AGBL1: variants seen among roughly 807,000 people sequenced by gnomAD.
The protein encoded by AGBL1 is AGBL carboxypeptidase 1.
Under a neutral mutation model 118.9 loss-of-function variants are expected in AGBL1, and 130 were observed. That is an observed-to-expected ratio of 1.09 (90% CI 0.95 to 1.26). The LOEUF is 1.26. AGBL1 is among the 50% of genes most tolerant of loss of function. AGBL1 has a pLI of 0.00. For missense variants in AGBL1, 1,584 were observed against 1,298.1 expected, an observed-to-expected ratio of 1.22 and a Z score of -3.38; for synonymous variants, 555 against 478.9, an observed-to-expected ratio of 1.16 and a Z score of -2.08.
chr15:86,944,169 G>A (rs1290403710), intron 23 of AGBL1, among the ~76,000 whole-genome samples: 1 of 151,986 alleles, frequency 6.6e-6, no homozygotes, highest in Non-Finnish European at 1.5e-5. Flanking sequence ...TCAGGAGTTC[G>A]AGACCAGCCT....
At chr15:86,567,363 T>C (rs1024790299) in intron 21 of AGBL1, among the ~76,000 whole-genome samples, 1 of 152,216 alleles carries the variant, frequency 6.6e-6, no homozygotes, top group Non-Finnish European at 1.5e-5. Flanking sequence ...TATCCACTCA[T>C]TTATTCTATC....
intron 17 of AGBL1, among the ~76,000 whole-genome samples, chr15:86,376,127 C>T (rs2081038406): frequency 6.6e-6 from 1 of 152,168 alleles, no homozygotes; most frequent in South Asian, 2.1e-4. Flanking sequence ...TGTTTTAAGC[C>T]TTCCTGACAA....
At chr15:86,896,959 C>G (rs2080138383) in intron 22 of AGBL1, among the ~76,000 whole-genome samples, 1 of 152,166 alleles carries the variant, frequency 6.6e-6, no homozygotes, top group Admixed American at 6.5e-5. Flanking sequence ...CATGCACATT[C>G]CTAAGGAAAG....
intron 23 of AGBL1, chr15:86,935,277 G>C (rs2080655448): frequency 6.6e-6 from 1 of 152,188 alleles, no homozygotes; most frequent in African/African-American, 2.4e-5. Flanking sequence ...TTGGCAAAGA[G>C]GATAATGCGG....
At chr15:86,955,681 G>A (rs76576112) in intron 23 of AGBL1, among the ~76,000 whole-genome samples, 413 of 152,172 alleles carry the variant, frequency 2.7e-3, no homozygotes, top group African/African-American at 9.1e-3. Flanking sequence ...AAGGTACTAT[G>A]AAATATACAT....
chr15:86,543,142 A>G (rs1481502084), intron 19 of AGBL1, among the ~76,000 whole-genome samples: 4 of 152,102 alleles, frequency 2.6e-5, no homozygotes, highest in Non-Finnish European at 4.4e-5. Context: ...TATGATCCCA[A>G]TTTATCTCCA....
At chr15:86,989,049 T>C (rs2081312474) in intron 24 of AGBL1, among the ~76,000 whole-genome samples, 1 of 148,550 alleles carries the variant, frequency 6.7e-6, no homozygotes. Flanking sequence ...TTGCCCAGGC[T>C]GGAGTGCAAT....
intron 18 of AGBL1, among the ~76,000 whole-genome samples, chr15:86,489,116 A>G (rs1372922421): frequency 6.6e-6 from 1 of 152,092 alleles, no homozygotes; most frequent in Non-Finnish European, 1.5e-5. Context: ...CCAAGAAAGG[A>G]AAGTATATCT....
intron 22 of AGBL1, among the ~76,000 whole-genome samples, chr15:86,678,269 T>A (rs1187508557): frequency 6.6e-6 from 1 of 152,174 alleles, no homozygotes. Flanking sequence ...AGACATACAG[T>A]ACTCTCAAAA....
chr15:86,829,492 A>C (rs2079075110), intron 22 of AGBL1, among the ~76,000 whole-genome samples: 3 of 152,186 alleles, frequency 2.0e-5, no homozygotes, highest in African/African-American at 7.2e-5. Flanking sequence ...AGAGAGTCAC[A>C]GTTCACATGC....
chr15:86,853,608 C>T (rs1344359562), intron 22 of AGBL1, among the ~76,000 whole-genome samples: 1 of 152,152 alleles, frequency 6.6e-6, no homozygotes, highest in Non-Finnish European at 1.5e-5. Flanking sequence ...CACTTGGCTG[C>T]CTTTATTTTT....
intron 17 of AGBL1, 131 bp downstream of exon 17, chr15:86,295,539 A>G (rs1211597237): frequency 2.3e-6 from 2 of 877,264 alleles, no homozygotes; most frequent in Non-Finnish European, 3.3e-6. Context: ...GTAGAAATAC[A>G]CCCCCAGCTT....
At chr15:86,824,373 C>T (rs973363535) in intron 22 of AGBL1, among the ~76,000 whole-genome samples, 3 of 152,008 alleles carry the variant, frequency 2.0e-5, no homozygotes, top group African/African-American at 7.2e-5. Flanking sequence ...CACATATACC[C>T]TTAACAAAAC....
At chr15:86,650,249 G>A (rs138919621) in intron 21 of AGBL1, among the ~76,000 whole-genome samples, 4 of 152,080 alleles carry the variant, frequency 2.6e-5, no homozygotes, top group African/African-American at 9.7e-5. Flanking sequence ...GACTAAGTTT[G>A]CCAGCTTCCT....
At chr15:86,836,390 G>A (rs188932972) in intron 22 of AGBL1, among the ~76,000 whole-genome samples, 45 of 152,172 alleles carry the variant, frequency 3.0e-4, no homozygotes, top group East Asian at 2.7e-3. Context: ...AGGTATTAGC[G>A]TACCAATTTA....
At chr15:86,597,772 A>G (rs2246864) in intron 21 of AGBL1, among the ~76,000 whole-genome samples, 146,095 of 152,192 alleles carry the variant, frequency 0.96, 70,173 homozygotes, top group East Asian at 1. Flanking sequence ...AAAGCTTTAT[A>G]AGTGAAAAAA....
chr15:86,090,366 C>G (rs1447376783), intron 1 of AGBL1, among the ~76,000 whole-genome samples: 3 of 152,146 alleles, frequency 2.0e-5, no homozygotes, highest in African/African-American at 7.2e-5. Flanking sequence ...AAAAATCCCC[C>G]TATTAGATTC....
intron 6 of AGBL1, among the ~76,000 whole-genome samples, chr15:86,242,603 G>A (rs1457351067): frequency 4.6e-5 from 7 of 152,310 alleles, no homozygotes; most frequent in South Asian, 2.1e-4. Flanking sequence ...GGGTACATGA[G>A]TTTAGAAGTC....
downstream of AGBL1, among the ~76,000 whole-genome samples, chr15:86,919,021 G>A (rs1020490716): frequency 6.6e-6 from 1 of 152,140 alleles, no homozygotes; most frequent in African/African-American, 2.4e-5. Context: ...GTACTACTTT[G>A]AAGGCTGTGG....
Sources: allele counts gnomAD v4.1 joint callset (sites outside exome capture counted in the v4.1 genomes callset), GRCh38; gene constraint gnomAD v4.1.1; transcripts MANE v1.5; gene names NCBI Gene and HGNC (gene_info 2026-07-23, HGNC 2026-07-21).